SGCG: variants seen among roughly 807,000 people sequenced by gnomAD.
SGCG encodes the protein sarcoglycan gamma.
A neutral mutation model predicts 29.3 loss-of-function variants in SGCG; 26 were observed. The ratio of observed to expected loss-of-function variants is 0.89; its 90% confidence interval spans 0.65 to 1.23. The LOEUF (loss-of-function observed/expected upper bound fraction) is 1.23. Ranked by LOEUF, SGCG falls within the 50% of genes most tolerant of loss-of-function variation. The pLI is 0.00. For synonymous variants in SGCG, 145 were observed against 129.7 expected (o/e 1.12, Z -0.80); for missense variants, 353 against 356.0 (o/e 0.99, Z 0.07).
rs564315027 is a variant in SGCG at position 23,310,023 on chromosome 13, G to A, written c.579-10614G>A. Among the ~76,000 whole-genome samples, 46 of 148,756 alleles carry A rather than the reference G, an allele frequency of 3.1e-4. 1 individual carries two copies. Among genetic ancestry groups the A allele is most frequent in the Non-Finnish European group, 5.0e-4 (34 of 67,404 alleles). ...TGTAAGCGGCTACTAGGTCAATCTT[G>A]CAAATTACATTGTTAACATCTTCTA... On this transcript the variant is annotated intron_variant, in intron 6 of 7. Transcript: ENST00000218867.
intron 6 of SGCG, among the ~76,000 whole-genome samples, chr13:23,317,499 C>T (rs982160722): frequency 6.6e-6 from 1 of 150,466 alleles, no homozygotes; most frequent in African/African-American, 2.4e-5. Flanking sequence ...ACGTGACCAG[C>T]TTCAGAAACG....
At chr13:23,164,356 C>T in the SGCG span, among the ~76,000 whole-genome samples, 2 of 152,264 alleles carry the variant, frequency 1.3e-5, no homozygotes, top group South Asian at 2.1e-4. Context: ...GATGGAACTC[C>T]TACTTTAAGA....
intron 5 of SGCG, among the ~76,000 whole-genome samples, chr13:23,281,277 T>A (rs1285850676): frequency 6.6e-6 from 1 of 151,734 alleles, no homozygotes; most frequent in East Asian, 1.9e-4. Context: ...GAGGCAGAGG[T>A]TGCAGTGAGC....
chr13:23,297,597 C>G (rs1222429107), intron 6 of SGCG, among the ~76,000 whole-genome samples: 1 of 152,180 alleles, frequency 6.6e-6, no homozygotes, highest in African/African-American at 2.4e-5. Flanking sequence ...TTTAAGAACG[C>G]CTTTAAGCGG....
At chr13:23,255,180 G>A (rs925550701) in intron 4 of SGCG, among the ~76,000 whole-genome samples, 6 of 152,142 alleles carry the variant, frequency 3.9e-5, no homozygotes, top group African/African-American at 7.2e-5. Flanking sequence ...AAAGCCACCG[G>A]CACTCAACTC....
Position 23,194,652 on chromosome 13 carries a change from C to T in SGCG, c.1-9043C>T, listed in dbSNP as rs568377609. 5.3e-5 allele frequency among the ~76,000 whole-genome samples: 8 copies of T among 152,288 alleles called. No individual in the cohort carries two copies. The South Asian group carries it at 1.2e-3, about 24-fold the overall frequency. On this transcript the variant is annotated intron_variant, in intron 1 of 7. Coordinates refer to ENST00000218867, the MANE Select transcript of SGCG (RefSeq NM_000231.3). ...TTAATTCTGGGACAACTGACACTGG[C>T]TTGCTTGTGTCCCATGACTTCCTAA... is the stretch of plus-strand genomic sequence containing the variant.
intron 5 of SGCG, among the ~76,000 whole-genome samples, chr13:23,292,245 G>A (rs1881742176): frequency 6.6e-6 from 1 of 152,082 alleles, no homozygotes; most frequent in Non-Finnish European, 1.5e-5. Context: ...GAATAGCTGG[G>A]ATTACAGGCG....
intron 7 of SGCG, 101 bp from the exon 8 acceptor site, chr13:23,324,267 T>C: frequency 8.9e-7 from 1 of 1,119,068 alleles, no homozygotes; most frequent in Admixed American, 1.8e-5. Flanking sequence ...TTGTTTTCTA[T>C]GAGGAGAAGA....
the SGCG span, among the ~76,000 whole-genome samples, chr13:23,160,737 C>T: frequency 6.6e-6 from 1 of 152,296 alleles, no homozygotes; most frequent in Admixed American, 6.5e-5. Context: ...AAACTAACCC[C>T]TCTGTTGTTA....
intron 5 of SGCG, among the ~76,000 whole-genome samples, chr13:23,293,984 C>A (rs553545694): frequency 2.1e-4 from 32 of 152,260 alleles, no homozygotes; most frequent in African/African-American, 7.7e-4. Context: ...TAAAAATAAA[C>A]CTTGTAATTG....
chr13:23,243,265 G>T (rs1037071641), intron 3 of SGCG, among the ~76,000 whole-genome samples: 1 of 152,166 alleles, frequency 6.6e-6, no homozygotes, highest in Non-Finnish European at 1.5e-5. Context: ...CCATGTTAAG[G>T]CCAGAGTATC....
At chr13:23,322,761 C>CCA (rs1883089066) in intron 7 of SGCG, among the ~76,000 whole-genome samples, 1 of 34,386 alleles carries the variant, frequency 2.9e-5, no homozygotes, top group Admixed American at 2.1e-4. Flanking sequence ...CCGCCCCCCA[C>CCA]CCATCCACCT....
At chr13:23,174,512 C>T in the SGCG span, among the ~76,000 whole-genome samples, 3 of 152,028 alleles carry the variant, frequency 2.0e-5, no homozygotes, top group South Asian at 2.1e-4. Context: ...AAAATGGAAT[C>T]GATTCCATAT....
intron 2 of SGCG, among the ~76,000 whole-genome samples, chr13:23,234,040 T>A (rs975420369): frequency 6.6e-6 from 1 of 152,242 alleles, no homozygotes; most frequent in African/African-American, 2.4e-5. Context: ...CAGAATCATG[T>A]CTTCCATCCA....
intron 4 of SGCG, among the ~76,000 whole-genome samples, chr13:23,252,945 C>T (rs111551249): frequency 6.6e-6 from 1 of 152,136 alleles, no homozygotes; most frequent in African/African-American, 2.4e-5. Flanking sequence ...CCAGCTGTTT[C>T]CACTGGCCCT....
At chr13:23,224,782 C>T (rs891201146) in intron 2 of SGCG, among the ~76,000 whole-genome samples, 15 of 152,132 alleles carry the variant, frequency 9.9e-5, no homozygotes, top group Non-Finnish European at 1.8e-4. Context: ...AGGTTTTCAA[C>T]CCTAGCTACA....
At chr13:23,181,545 T>C (rs1369220731) in intron 1 of SGCG, among the ~76,000 whole-genome samples, 2 of 152,238 alleles carry the variant, frequency 1.3e-5, no homozygotes, top group African/African-American at 4.8e-5. Flanking sequence ...CCAGTGGTTT[T>C]ATAAGTTGGA....
chr13:23,310,372 C>T (rs952138425), intron 6 of SGCG, among the ~76,000 whole-genome samples: 6 of 152,150 alleles, frequency 3.9e-5, no homozygotes, highest in Non-Finnish European at 8.8e-5. Context: ...AGGCGTGAGC[C>T]ACCGCGCCGG....
At chr13:23,300,073 A>G (rs1424645518) in intron 6 of SGCG, among the ~76,000 whole-genome samples, 1 of 152,220 alleles carries the variant, frequency 6.6e-6, no homozygotes, top group Admixed American at 6.5e-5. Context: ...ATACCCCAGA[A>G]AAGGGAGGAG....
Sources: allele counts gnomAD v4.1 joint callset (sites outside exome capture counted in the v4.1 genomes callset), GRCh38; gene constraint gnomAD v4.1.1; transcripts MANE v1.5; gene names NCBI Gene and HGNC (gene_info 2026-07-23, HGNC 2026-07-21).